The following ZNF438 variants were observed in gnomAD, a reference collection of about 807,000 sequenced individuals.
ZNF438 encodes zinc finger protein 438.
ZNF438 carries 25 observed loss-of-function variants against 38.0 expected under a neutral mutation model. The observed-to-expected ratio is 0.66, with a 90% confidence interval of 0.48 to 0.92. The LOEUF is 0.92. Among genes scored for constraint, ZNF438 ranks in the 40% least tolerant of loss-of-function variants. The pLI, the probability that ZNF438 is intolerant of heterozygous loss-of-function variation, is 0.00. For missense variants in ZNF438, 1,007 were observed against 999.6 expected, an observed-to-expected ratio of 1.01 and a Z score of -0.10; for synonymous variants, 372 against 364.1, an observed-to-expected ratio of 1.02 and a Z score of -0.25.
chr10:30,892,560 A>T (rs1220062588), intron 3 of ZNF438, among the ~76,000 whole-genome samples: 1 of 151,916 alleles, frequency 6.6e-6, no homozygotes, highest in Non-Finnish European at 1.5e-5. Flanking sequence ...TTGTATATTG[A>T]TTAAAAATAT....
At chr10:31,014,642 A>G (rs763587939) in intron 1 of ZNF438, among the ~76,000 whole-genome samples, 3 of 152,154 alleles carry the variant, frequency 2.0e-5, no homozygotes, top group African/African-American at 7.2e-5. Context: ...CTTTACCATT[A>G]ATCAGCTGCG....
chr10:30,890,664 T>C (rs1180285533), intron 3 of ZNF438, among the ~76,000 whole-genome samples: 3 of 152,218 alleles, frequency 2.0e-5, no homozygotes, highest in Non-Finnish European at 2.9e-5. Flanking sequence ...AATCTTTCCA[T>C]TTTTACTTTG....
At chr10:30,977,991 A>G (rs1399575848) in intron 1 of ZNF438, among the ~76,000 whole-genome samples, 1 of 152,076 alleles carries the variant, frequency 6.6e-6, no homozygotes, top group East Asian at 1.9e-4. Context: ...CCGAAAAAAA[A>G]AAAAAGATTC....
intron 3 of ZNF438, among the ~76,000 whole-genome samples, chr10:30,877,965 C>CA (rs1280167954): frequency 6.6e-6 from 1 of 152,148 alleles, no homozygotes; most frequent in Non-Finnish European, 1.5e-5. Context: ...GATGGAGTAA[C>CA]AGAGACCAGA....
In ZNF438 at chr10:30,992,457, A is replaced by G. The variant is rs2053600604; in HGVS notation, c.-192+39376T>C. Among the ~76,000 whole-genome samples, 2 of 151,042 alleles carry G rather than the reference A, an allele frequency of 1.3e-5. 1 individual carries two copies. Among genetic ancestry groups the G allele is most frequent in the South Asian group, 4.2e-4 (2 of 4,786 alleles). Reference sequence around the variant, plus strand: ...TAAGACAGTCTTGCTCTGTCGCCCAAGTTGGAGTGCAATGGTGCAATCTCA... The same window carrying G: ...TAAGACAGTCTTGCTCTGTCGCCCAGGTTGGAGTGCAATGGTGCAATCTCA... On this transcript the variant is annotated intron_variant, in intron 1 of 5. Coordinates refer to ENST00000413025, the Ensembl canonical transcript of ZNF438.
chr10:30,992,759 T>C (rs890933117), intron 1 of ZNF438, among the ~76,000 whole-genome samples: 4 of 152,114 alleles, frequency 2.6e-5, no homozygotes, highest in African/African-American at 7.2e-5. Flanking sequence ...AGAATGTTGA[T>C]AGAAATATGT....
chr10:30,968,959 G>A lies in ZNF438; in HGVS notation c.-191-27308C>T, dbSNP rs532886713. Among the ~76,000 whole-genome samples, 15 of 152,232 alleles carry A rather than the reference G, an allele frequency of 9.9e-5. No individual in the cohort carries two copies. The South Asian group carries it at 3.1e-3, about 32-fold the overall frequency. On this transcript the variant is annotated intron_variant, in intron 1 of 5. Coordinates refer to ENST00000413025, the Ensembl canonical transcript of ZNF438. Reference sequence around the variant, plus strand: ...CCAGTGAGTATGAGAGCTATTAACTGTAAAAATACACACAGTCCTCAGATG... The same window carrying A: ...CCAGTGAGTATGAGAGCTATTAACTATAAAAATACACACAGTCCTCAGATG...
intron 1 of ZNF438, among the ~76,000 whole-genome samples, chr10:31,007,763 G>T (rs1331623136): frequency 6.6e-6 from 1 of 152,150 alleles, no homozygotes; most frequent in Non-Finnish European, 1.5e-5. Flanking sequence ...AAGAGTGTTA[G>T]TTCTATTAAT....
chr10:30,948,519 G>A (rs1420239357), intron 1 of ZNF438, among the ~76,000 whole-genome samples: 2 of 151,998 alleles, frequency 1.3e-5, no homozygotes, highest in African/African-American at 2.4e-5. Context: ...TTAGACGAAC[G>A]TATAACTAGA....
In ZNF438 at chr10:30,857,742, G is replaced by GTCC. The variant is rs539876454; in HGVS notation, c.38-7378_38-7376dup. The GTCC allele has an allele frequency of 1.6e-4, 233 of 1,458,936 alleles. No homozygotes were observed. In the African/African-American group the frequency reaches 2.9e-3, roughly 18 times the overall value. 90.4% of individuals were successfully genotyped at this position (1,458,936 alleles called of 1,614,324 possible). Reference sequence around the variant, plus strand: ...GATATTTGGAGAATGTGCAACGTGTGTCCTCCTCCTCCTCCATTGCCATCA... The same window carrying GTCC: ...GATATTTGGAGAATGTGCAACGTGTGTCCTCCTCCTCCTCCTCCATTGCCATCA... On this transcript the variant is annotated intron_variant, in intron 4 of 5. Coordinates refer to ENST00000413025, the Ensembl canonical transcript of ZNF438.
intron 1 of ZNF438, among the ~76,000 whole-genome samples, chr10:30,946,862 C>A (rs2047473008): frequency 6.6e-6 from 1 of 152,128 alleles, no homozygotes; most frequent in Non-Finnish European, 1.5e-5. Flanking sequence ...CCACTACTGG[C>A]CTATTATAAA....
rs1232509109 is a variant in ZNF438 at position 30,968,856 on chromosome 10, C to G, written c.-191-27205G>C. Among the ~76,000 whole-genome samples, 4 of 152,238 alleles carry G rather than the reference C, an allele frequency of 2.6e-5. No homozygotes were observed. The East Asian group carries it at 7.7e-4, about 29-fold the overall frequency. ...CAGATCTTAGATACCTTTAGAGACC[C>G]GTGGTTGGGATCTGAAGAAAACAAG... is the stretch of plus-strand genomic sequence containing the variant. On this transcript the variant is annotated intron_variant, in intron 1 of 5. Transcript: ENST00000413025.
At position 30,970,719 on chromosome 10, in the gene ZNF438, T is replaced by C. The variant is rs77158410; in HGVS notation, c.-191-29068A>G. The stretch of plus-strand genomic sequence containing the variant: ...TTGCAGCGTCTTTATGTCTTCATAC[T>C]GGTATGACCAAGGGCACAATGGAAG... On this transcript the variant is annotated intron_variant, in intron 1 of 5. Coordinates refer to ENST00000413025, the Ensembl canonical transcript of ZNF438. Among the ~76,000 whole-genome samples, 338 of 152,354 alleles carry C rather than the reference T, an allele frequency of 2.2e-3. 3 individuals carry two copies. Among genetic ancestry groups the C allele is most frequent in the African/African-American group, 7.4e-3 (306 of 41,586 alleles).
chr10:30,853,851 C>T (rs566140549), intron 4 of ZNF438, among the ~76,000 whole-genome samples: 16 of 152,010 alleles, frequency 1.1e-4, no homozygotes, highest in African/African-American at 1.4e-4. Flanking sequence ...AAAAATTAGC[C>T]GAGTGTGGTG....
At chr10:31,029,827 G>T (rs1776618) in intron 1 of ZNF438, among the ~76,000 whole-genome samples, 113,847 of 152,158 alleles carry the variant, frequency 0.75, 43,223 homozygotes, top group African/African-American at 0.83. Context: ...CCCCGTTCCC[G>T]GCTGTGCTCT....
At position 30,953,669 on chromosome 10, in the gene ZNF438, CA is replaced by C. The variant is rs141368082; in HGVS notation, c.-191-12019del. 5.6e-5 allele frequency among the ~76,000 whole-genome samples: 8 copies of C among 144,098 alleles called. No individual in the cohort carries two copies. The East Asian group carries it at 1.0e-3, about 18-fold the overall frequency. The allele number at this position is 144,098 out of a possible 152,430, so 94.5% of individuals were successfully genotyped here. On this transcript the variant is annotated intron_variant, in intron 1 of 5. Transcript: ENST00000413025. Reference sequence around the variant, plus strand: ...AAAAAAACATACACACACACACACACAAAAAAAAAACAAACATGTGGCATTG... The same window carrying C: ...AAAAAAACATACACACACACACACACAAAAAAAAACAAACATGTGGCATTG...
At position 30,852,354 on chromosome 10, in the gene ZNF438, A is replaced by C. The variant is rs181209396; in HGVS notation, c.38-1987T>G. Among the ~76,000 whole-genome samples the C allele has an allele frequency of 9.9e-3, 1,511 of 151,954 alleles. 26 individuals are homozygous for C. Among genetic ancestry groups the C allele is most frequent in the African/African-American group, 0.034 (1,399 of 41,446 alleles). ...CTCCCAAGTAACTGGGATTACAGGC[A>C]TGTGCCACCACACCCAGCTAATTTT... On this transcript the variant is annotated intron_variant, in intron 4 of 5. Transcript: ENST00000413025.
chr10:30,872,212 G>C (rs915342384), intron 4 of ZNF438, among the ~76,000 whole-genome samples: 3 of 151,700 alleles, frequency 2.0e-5, no homozygotes, highest in East Asian at 3.9e-4. Flanking sequence ...TTTAAGCCAG[G>C]GGGTTAAATT....
At chr10:30,851,799 G>A (rs193264541) in intron 4 of ZNF438, among the ~76,000 whole-genome samples, 10 of 152,208 alleles carry the variant, frequency 6.6e-5, no homozygotes, top group Admixed American at 1.3e-4. Context: ...GGGGGTAGGG[G>A]ACTGAACACT....
Sources: allele counts gnomAD v4.1 joint callset (sites outside exome capture counted in the v4.1 genomes callset), GRCh38; gene constraint gnomAD v4.1.1; transcripts MANE v1.5; gene names NCBI Gene and HGNC (gene_info 2026-07-23, HGNC 2026-07-21).